The following NPRL3 variants were observed in gnomAD, a reference collection of about 807,000 sequenced individuals.
NPRL3 encodes the protein GATOR1 complex protein NPRL3.
In NPRL3, 23 loss-of-function variants were observed where a neutral mutation model predicts 57.2. That is an observed-to-expected ratio of 0.40 (90% CI 0.29 to 0.57). The LOEUF is 0.57. NPRL3 is among the 20% of genes least tolerant of loss of function. The probability of loss-of-function intolerance (pLI) is 0.42; values close to 1 mark genes in which losing one functional copy is unlikely to be tolerated. For synonymous variants in NPRL3, 333 were observed against 321.1 expected, an observed-to-expected ratio of 1.04 and a Z score of -0.39; for missense variants, 691 against 767.1, an observed-to-expected ratio of 0.90 and a Z score of 1.17.
At chr16:123,899 CA>C (rs1417690198) in intron 3 of NPRL3, among the ~76,000 whole-genome samples, 3,230 of 80,598 alleles carry the variant, frequency 0.04, 1,297 homozygotes, top group Non-Finnish European at 0.051. Context: ...CAGGGTCACA[CA>C]CTCCCCACGC....
chr16:132,319 T>C (rs2141984610), intron 2 of NPRL3, among the ~76,000 whole-genome samples: 1 of 152,356 alleles, frequency 6.6e-6, no homozygotes, highest in South Asian at 2.1e-4. Flanking sequence ...GAAACTGCTT[T>C]CTTTGCCCAT....
At chr16:136,389 G>GA (rs1023419149) in intron 2 of NPRL3, among the ~76,000 whole-genome samples, 8 of 151,976 alleles carry the variant, frequency 5.3e-5, no homozygotes, top group Non-Finnish European at 4.4e-5. Context: ...CTTGTGCTTA[G>GA]AAAAAAAACA....
intron 2 of NPRL3, among the ~76,000 whole-genome samples, chr16:137,551 CTT>C (rs72083020): frequency 0.082 from 11,653 of 141,694 alleles, 863 homozygotes; most frequent in African/African-American, 0.21. Context: ...GTTCACGTAA[CTT>C]TTTTTTTTTT....
chr16:93,104 G>T, intron 10 of NPRL3, 115 bp downstream of exon 10: 1 of 738,852 alleles, frequency 1.4e-6, no homozygotes, highest in Non-Finnish European at 2.4e-6. Flanking sequence ...GCCTGGCCTT[G>T]GGGCTTCCAC....
intron 7 of NPRL3, among the ~76,000 whole-genome samples, chr16:109,493 T>C (rs1393161591): frequency 1.3e-5 from 2 of 152,200 alleles, no homozygotes; most frequent in African/African-American, 2.4e-5. Flanking sequence ...GGCCCAGCAC[T>C]TGGTGTTGCG....
At chr16:106,331 TAAATA>T (rs1217431327) in intron 7 of NPRL3, among the ~76,000 whole-genome samples, 1 of 150,586 alleles carries the variant, frequency 6.6e-6, no homozygotes, top group Non-Finnish European at 1.5e-5. Flanking sequence ...AATAAATAAA[TAAATA>T]AAATAGCAAC....
chr16:103,323 T>TTTTTTTC, intron 7 of NPRL3, among the ~76,000 whole-genome samples: 1 of 128,756 alleles, frequency 7.8e-6, no homozygotes, highest in Admixed American at 8.9e-5. Flanking sequence ...TTTTTTTTTT[T>TTTTTTTC]TTGTAGAGAC....
At chr16:103,071 G>A (rs1411789016) in intron 7 of NPRL3, among the ~76,000 whole-genome samples, 7 of 152,040 alleles carry the variant, frequency 4.6e-5, no homozygotes, top group African/African-American at 7.2e-5. Context: ...AAGGGCAAGC[G>A]AGAGGTGGCC....
In NPRL3 at chr16:138,231, C is replaced by T; in HGVS notation, c.37G>A (p.Val13Met). The change falls in exon 2 of 14, where the codon GTG (valine) becomes ATG (methionine). Residue 13 changes from valine (V) to methionine (M), a missense_variant. Coordinates refer to ENST00000611875, the MANE Select transcript of NPRL3 (RefSeq NM_001077350.3). Reference protein sequence around the residue: ...DNTSPISVILVSSGSRGNKLL... With the variant: ...DNTSPISVILMSSGSRGNKLL... ...TTATTGCCCCTGCTCCCCGAGCTCA[C>T]CAGAATCACGCTGATGGGGCTGGTG... The T allele has an allele frequency of 6.2e-7, 1 of 1,609,330 alleles. No homozygotes were observed. The highest frequency in any genetic ancestry group is 8.5e-7 in the Non-Finnish European group (1 of 1,178,190).
chr16:128,907 A>G (rs1900665083), intron 3 of NPRL3, among the ~76,000 whole-genome samples: 1 of 152,192 alleles, frequency 6.6e-6, no homozygotes, highest in Admixed American at 6.6e-5. Context: ...AGGGGAACTG[A>G]GCCCCTAAGG....
intron 7 of NPRL3, among the ~76,000 whole-genome samples, chr16:109,415 A>G (rs1463949819): frequency 6.6e-6 from 1 of 152,184 alleles, no homozygotes; most frequent in African/African-American, 2.4e-5. Flanking sequence ...AGCTGGCCCC[A>G]GCCTCACCCA....
rs1899356896 is a variant in NPRL3, at chr16:102,834, G to C, written c.630-2325C>G. 1.3e-5 allele frequency among the ~76,000 whole-genome samples: 2 copies of C among 152,156 alleles called. 1 individual carries two copies. The highest frequency in any genetic ancestry group is 4.1e-4 in the South Asian group (2 of 4,828). On this transcript the variant is annotated intron_variant, in intron 7 of 13. Transcript: ENST00000611875. Reference sequence around the variant, plus strand: ...AGGGCAGCAGTCTCAGCTTCTTCCAGAACTGCATGCTAACCAAGTATGTCG... The same window carrying C: ...AGGGCAGCAGTCTCAGCTTCTTCCACAACTGCATGCTAACCAAGTATGTCG...
rs555308385 is a variant in NPRL3, at chr16:85,744, C to G, written c.*961G>C. 12 of 1,514,228 alleles carry G rather than the reference C, an allele frequency of 7.9e-6. No homozygotes were observed. Among genetic ancestry groups the G allele is most frequent in the Non-Finnish European group, 1.1e-5 (12 of 1,130,318 alleles). The allele number at this position is 1,514,228 out of a possible 1,614,324, so 93.8% of individuals were successfully genotyped here. On this transcript the variant is annotated 3_prime_UTR_variant, in exon 14 of 14. Transcript: ENST00000611875. ...GGGGCAGCCCCTGGGTCAGTGTGGTCGACAGAGTGGCTGAGCAGGACACAC... is the reference window on the plus strand; with the variant it reads ...GGGGCAGCCCCTGGGTCAGTGTGGTGGACAGAGTGGCTGAGCAGGACACAC...
intron 7 of NPRL3, among the ~76,000 whole-genome samples, chr16:103,085 T>C (rs1330685790): frequency 1.3e-5 from 2 of 151,882 alleles, no homozygotes; most frequent in African/African-American, 4.8e-5. Context: ...GGTGGCCCCA[T>C]GCACTGTGCT....
chr16:108,782 T>C (rs1324425297), intron 7 of NPRL3, among the ~76,000 whole-genome samples: 2 of 152,084 alleles, frequency 1.3e-5, no homozygotes, highest in Non-Finnish European at 2.9e-5. Context: ...GTGATTCTTC[T>C]GCCTCAGCCT....
At chr16:106,505 G>A (rs1280643350) in intron 7 of NPRL3, among the ~76,000 whole-genome samples, 3 of 151,402 alleles carry the variant, frequency 2.0e-5, no homozygotes, top group African/African-American at 4.9e-5. Flanking sequence ...GTGGGGGCGG[G>A]TGCCTATAGT....
intron 13 of NPRL3, among the ~76,000 whole-genome samples, chr16:88,220 T>C (rs1050315083): frequency 2.0e-5 from 3 of 152,130 alleles, no homozygotes; most frequent in Admixed American, 2.0e-4. Flanking sequence ...GGGTGAGAAC[T>C]TGGCACTTAA....
At chr16:123,403 A>C (rs958143721) in intron 3 of NPRL3, 2 of 456,116 alleles carry the variant, frequency 4.4e-6, no homozygotes, top group Non-Finnish European at 9.2e-6. Context: ...GTGCCTCATC[A>C]GTCACTCTTC....
chr16:101,211 T>C (rs1257743536), intron 7 of NPRL3, among the ~76,000 whole-genome samples: 1 of 152,032 alleles, frequency 6.6e-6, no homozygotes, highest in African/African-American at 2.4e-5. Flanking sequence ...GCACACCTCA[T>C]GAAGACCCGT....
Sources: gnomAD v4.1 joint callset for allele counts (sites outside exome capture counted in the v4.1 genomes callset) on GRCh38, gnomAD v4.1.1 for gene constraint, MANE v1.5 for transcripts, NCBI Gene and HGNC (gene_info 2026-07-23, HGNC 2026-07-21) for gene names.